CTAGE1: variants seen among roughly 807,000 people sequenced by gnomAD.
CTAGE1 encodes the protein cTAGE family member 2.
For synonymous variants in CTAGE1, 332 were observed against 302.8 expected (o/e 1.10, Z -1.00); for missense variants, 963 against 855.9 (o/e 1.13, Z -1.56).
Position 22,416,330 on chromosome 18 carries a change from A to G in CTAGE1, c.1482T>C (p.Gly494=), listed in dbSNP as rs1418332834. Residue 494 remains glycine (G), a synonymous_variant, in exon 1 of 1, where the codon GGT becomes GGC. Transcript: ENST00000391403. ...AAGCTCTCGTTTCAGATGAAGGCCA[A>G]CCCAATGGTGAGGGACCATATGGGG... ...QHSPYGPSPL[G]WPSSETRASL... is the part of the protein sequence containing the mutation. 5.6e-6 allele frequency: 9 copies of G among 1,613,994 alleles called. No individual in the cohort carries two copies. The Admixed American group carries it at 8.3e-5, about 15-fold the overall frequency.
chr18:22,415,550 C>G lies in CTAGE1; in HGVS notation c.*24G>C. Reference sequence around the variant, plus strand: ...CAGGCTCATTTGAAGTCGGACTCAACCCTGATGGAAACTCATTCTACCTTC... The same window carrying G: ...CAGGCTCATTTGAAGTCGGACTCAAGCCTGATGGAAACTCATTCTACCTTC... On this transcript the variant is annotated 3_prime_UTR_variant, in exon 1 of 1. Coordinates refer to ENST00000391403, the MANE Select transcript of CTAGE1 (RefSeq NM_172241.3). The G allele has an allele frequency of 6.4e-7, 1 of 1,557,414 alleles. No individual in the cohort carries two copies. The highest frequency in any genetic ancestry group is 8.7e-7 in the Non-Finnish European group (1 of 1,150,088).
At position 22,417,744 on chromosome 18, in the gene CTAGE1, A is replaced by T. The variant is rs1206929023; in HGVS notation, c.68T>A (p.Phe23Tyr). 6.2e-7 allele frequency: 1 copy of T among 1,614,248 alleles called. No homozygotes were observed. The highest frequency in any genetic ancestry group is 1.7e-5 in the Admixed American group (1 of 60,026). Residue 23 changes from phenylalanine (F) to tyrosine (Y), a missense_variant, in exon 1 of 1, where the codon TTT becomes TAT. Phe to Tyr is a conservative substitution (Grantham distance 22). Transcript: ENST00000391403. ...ELVIRAAVAGFFAVLFLWRSF... is the reference protein window; with the variant it reads ...ELVIRAAVAGYFAVLFLWRSF... Reference sequence around the variant, plus strand: ...TCTCCACAAGAAGAGAACAGCAAAAAATCCAGCAACAGCTGCACGTATCAC... The same window carrying T: ...TCTCCACAAGAAGAGAACAGCAAAATATCCAGCAACAGCTGCACGTATCAC...
In CTAGE1 at chr18:22,414,010, A is replaced by G. The variant is rs1251560623; in HGVS notation, c.*1564T>C. ...GATACATAGACAGAAATCCAGAAAA[A>G]TCTCCTTAATCTTGCAATTCCCACC... On this transcript the variant is annotated 3_prime_UTR_variant, in exon 1 of 1. Transcript: ENST00000391403. The G allele has an allele frequency of 6.6e-6, 1 of 152,216 alleles. No homozygotes were observed. Among genetic ancestry groups the G allele is most frequent in the African/African-American group, 2.4e-5 (1 of 41,450 alleles). 9.4% of individuals were successfully genotyped at this position (152,216 alleles called of 1,614,324 possible).
chr18:22,415,660 C>T lies in CTAGE1; in HGVS notation c.2152G>A (p.Ala718Thr), dbSNP rs1211773071. The change falls in exon 1 of 1, where the codon GCA becomes ACA. Residue 718 changes from alanine (A) to threonine (T), a missense_variant. Physicochemically the swap from Ala to Thr is moderately conservative, Grantham distance 58. Coordinates refer to ENST00000391403, the MANE Select transcript of CTAGE1 (RefSeq NM_172241.3). Reference protein sequence around the residue: ...DVPGPPRAPFAMRNVYLPRGF... With the variant: ...DVPGPPRAPFTMRNVYLPRGF... ...CTCGGTAAATAGACATTTCTCATTG[C>T]AAATGGAGCACGTGGTGGACCTGGG... 6.2e-7 allele frequency: 1 copy of T among 1,613,876 alleles called. No homozygotes were observed. Among genetic ancestry groups the T allele is most frequent in the East Asian group, 2.2e-5 (1 of 44,878 alleles).
Position 22,416,296 on chromosome 18 carries a change from G to A in CTAGE1, c.1516C>T (p.Pro506Ser). The A allele has an allele frequency of 6.2e-7, 1 of 1,613,996 alleles. No homozygotes were observed. Among genetic ancestry groups the A allele is most frequent in the Non-Finnish European group, 8.5e-7 (1 of 1,179,868 alleles). The change falls in exon 1 of 1, where the codon CCT (proline) becomes TCT (serine). Residue 506 changes from proline to serine, a missense_variant. Coordinates refer to ENST00000391403, the MANE Select transcript of CTAGE1 (RefSeq NM_172241.3). ...AGAGGACCTTCCAACAAAGTTGGAG[G>A]ATAGAGAGAAGCTCTCGTTTCAGAT... is the stretch of plus-strand genomic sequence containing the variant. ...PSSETRASLY[P>S]PTLLEGPLRL...
At position 22,415,973 on chromosome 18, in the gene CTAGE1, A is replaced by G; in HGVS notation, c.1839T>C (p.Asn613=). Residue 613 remains asparagine (N), a synonymous_variant, in exon 1 of 1, where the codon AAT becomes AAC. Transcript: ENST00000391403. ...LSGPAELRSF[N]MPSLDKMDGS... ...CATCCATTTTATCCAAAGAAGGCAT[A>G]TTAAAACTTCTGAGTTCTGCTGGTC... 6.2e-7 allele frequency: 1 copy of G among 1,613,984 alleles called. No homozygotes were observed. Among genetic ancestry groups the G allele is most frequent in the South Asian group, 1.1e-5 (1 of 91,074 alleles).
At position 22,417,069 on chromosome 18, in the gene CTAGE1, AC is replaced by A; in HGVS notation, c.742del (p.Val248LeufsTer8). ...CGTTACATCTTCTTCAAGCATAGCA[AC>A]CCCATCTTTCATCTTTAGCAAGCGT... ...TERLLKMKDG[V>X]AMLEEDVTDD... On this transcript the variant is annotated frameshift_variant, in exon 1 of 1. Transcript: ENST00000391403. LOFTEE classifies it low-confidence loss of function (END_TRUNC). The A allele has an allele frequency of 1.2e-6, 2 of 1,613,904 alleles. No individual in the cohort carries two copies. Among genetic ancestry groups the A allele is most frequent in the Non-Finnish European group, 1.7e-6 (2 of 1,179,854 alleles).
rs547894384 is a variant in CTAGE1 at position 22,414,612 on chromosome 18, A to G, written c.*962T>C. ...GAGAGCTCAATCAGAGATCAAATTC[A>G]CCAACTGCAATTAAGCACTATCTTA... On this transcript the variant is annotated 3_prime_UTR_variant, in exon 1 of 1. Transcript: ENST00000391403. The G allele has an allele frequency of 1.3e-5, 9 of 688,208 alleles. No homozygotes were observed. Among genetic ancestry groups the G allele is most frequent in the Non-Finnish European group, 2.4e-5 (9 of 379,314 alleles). 42.6% of individuals were successfully genotyped at this position (688,208 alleles called of 1,614,324 possible). A position where few individuals can be genotyped will look rare whatever the true frequency, so the allele number is the denominator to read the frequency against.
rs2035005338 is a variant in CTAGE1 at position 22,415,849 on chromosome 18, C to T, written c.1963G>A (p.Ala655Thr). The T allele has an allele frequency of 6.2e-7, 1 of 1,613,914 alleles. No homozygotes were observed. Among genetic ancestry groups the T allele is most frequent in the African/African-American group, 1.3e-5 (1 of 75,002 alleles). ...GGAGGAACAAAGCCAGGGCCAGTTG[C>T]TTCATTTTCAGCGGGGAGAGATGAA... ...PDSSLPAENE[A>T]TGPGFVPPPL... Residue 655 changes from alanine (A) to threonine (T), a missense_variant, in exon 1 of 1, where the codon GCA (alanine) becomes ACA (threonine). Transcript: ENST00000391403.
In CTAGE1 at chr18:22,413,697, T is replaced by C. The variant is rs369824941; in HGVS notation, c.*1877A>G. Reference sequence around the variant, plus strand: ...AGTAGTCATTCAACAAAAGCAAATATTATTTTTCTTAGTTACAAACAAGCA... The same window carrying C: ...AGTAGTCATTCAACAAAAGCAAATACTATTTTTCTTAGTTACAAACAAGCA... On this transcript the variant is annotated 3_prime_UTR_variant, in exon 1 of 1. Coordinates refer to ENST00000391403, the MANE Select transcript of CTAGE1 (RefSeq NM_172241.3). 1.4e-4 allele frequency: 22 copies of C among 152,298 alleles called. No homozygotes were observed. The highest frequency in any genetic ancestry group is 5.3e-4 in the African/African-American group (22 of 41,552). The allele number at this position is 152,298 out of a possible 1,614,324, so 9.4% of individuals were successfully genotyped here.
rs1460572463 is a variant in CTAGE1 at position 22,416,449 on chromosome 18, G to A, written c.1363C>T (p.Gln455Ter). The A allele has an allele frequency of 1.9e-6, 3 of 1,613,882 alleles. No homozygotes were observed. Among genetic ancestry groups the A allele is most frequent in the Non-Finnish European group, 2.5e-6 (3 of 1,179,956 alleles). Reference protein sequence around the residue: ...DLRKENAHNRQKLTEIEFKIK... With the variant: ...DLRKENAHNR ...TTAAACTCTATTTCAGTTAATTTTTGTCTGTTGTGAGCATTTTCTTTCCTT... is the reference window on the plus strand; with the variant it reads ...TTAAACTCTATTTCAGTTAATTTTTATCTGTTGTGAGCATTTTCTTTCCTT... Residue 455 changes from glutamine to a stop codon, truncating the protein, a stop_gained, in exon 1 of 1, where the codon CAA becomes TAA. Coordinates refer to ENST00000391403, the MANE Select transcript of CTAGE1 (RefSeq NM_172241.3). LOFTEE classifies it low-confidence loss of function (END_TRUNC).
chr18:22,416,736 T>C lies in CTAGE1; in HGVS notation c.1076A>G (p.Tyr359Cys), dbSNP rs761809935. 1.5e-5 allele frequency: 24 copies of C among 1,612,544 alleles called. No individual in the cohort carries two copies. The highest frequency in any genetic ancestry group is 1.1e-5 in the South Asian group (1 of 90,548). ...GTAGAGTTTCATTTCATTTTCTTGA[T>C]ATAATTCAGTCATTACTTTAAGTTT... ...QQKLKVMTEL[Y>C]QENEMKLYRK... The change falls in exon 1 of 1, where the codon TAT (tyrosine) becomes TGT (cysteine). Residue 359 changes from tyrosine to cysteine, a missense_variant. Coordinates refer to ENST00000391403, the MANE Select transcript of CTAGE1 (RefSeq NM_172241.3).
Position 22,415,024 on chromosome 18 carries a change from G to T in CTAGE1, c.*550C>A. 1.9e-6 allele frequency: 1 copy of T among 539,626 alleles called. No individual in the cohort carries two copies. The highest frequency in any genetic ancestry group is 3.0e-5 in the East Asian group (1 of 33,778). The allele number at this position is 539,626 out of a possible 1,614,324, so 33.4% of individuals were successfully genotyped here. Reference sequence around the variant, plus strand: ...AGACAGGAGATCCAAGATCATCTTGGTTTAAAGTGAAATATTCTAACAGTT... The same window carrying T: ...AGACAGGAGATCCAAGATCATCTTGTTTTAAAGTGAAATATTCTAACAGTT... On this transcript the variant is annotated 3_prime_UTR_variant, in exon 1 of 1. Coordinates refer to ENST00000391403, the MANE Select transcript of CTAGE1 (RefSeq NM_172241.3).
chr18:22,415,751 A>G lies in CTAGE1; in HGVS notation c.2061T>C (p.Pro687=), dbSNP rs577022781. The G allele has an allele frequency of 3.7e-6, 6 of 1,614,006 alleles. No homozygotes were observed. The South Asian group carries it at 6.6e-5, about 18-fold the overall frequency. Residue 687 remains proline, a synonymous_variant, in exon 1 of 1, where the codon CCT becomes CCC. Transcript: ENST00000391403. ...CGGTTCCTGGAGGAGGTGGGGGGAA[A>G]GGAGGTCCTCTTCTTATGAACGGGC... is the stretch of plus-strand genomic sequence containing the variant. ...TRGPFIRRGP[P]FPPPPPGTVF...
At position 22,415,004 on chromosome 18, in the gene CTAGE1, G is replaced by A. The variant is rs1836083423; in HGVS notation, c.*570C>T. 2.5e-5 allele frequency: 14 copies of A among 565,594 alleles called. No homozygotes were observed. In the South Asian group the frequency reaches 3.4e-4, roughly 14 times the overall value. 35.0% of individuals were successfully genotyped at this position (565,594 alleles called of 1,614,324 possible). A position where few individuals can be genotyped will look rare whatever the true frequency, so the allele number is the denominator to read the frequency against. On this transcript the variant is annotated 3_prime_UTR_variant, in exon 1 of 1. Transcript: ENST00000391403. ...AAGAGGATATAAAATCTATAAGACA[G>A]GAGATCCAAGATCATCTTGGTTTAA...
chr18:22,414,615 A>G lies in CTAGE1; in HGVS notation c.*959T>C, dbSNP rs2034986654. ...AGCTCAATCAGAGATCAAATTCACC[A>G]ACTGCAATTAAGCACTATCTTAGAT... is the stretch of plus-strand genomic sequence containing the variant. On this transcript the variant is annotated 3_prime_UTR_variant, in exon 1 of 1. Transcript: ENST00000391403. 1.5e-6 allele frequency: 1 copy of G among 688,150 alleles called. No homozygotes were observed. 42.6% of individuals were successfully genotyped at this position (688,150 alleles called of 1,614,324 possible). A position where few individuals can be genotyped will look rare whatever the true frequency, so the allele number is the denominator to read the frequency against.
chr18:22,414,883 G>T lies in CTAGE1; in HGVS notation c.*691C>A. 1.5e-6 allele frequency: 1 copy of T among 680,986 alleles called. No homozygotes were observed. The highest frequency in any genetic ancestry group is 1.6e-5 in the South Asian group (1 of 63,052). 42.2% of individuals were successfully genotyped at this position (680,986 alleles called of 1,614,324 possible). A position where few individuals can be genotyped will look rare whatever the true frequency, so the allele number is the denominator to read the frequency against. On this transcript the variant is annotated 3_prime_UTR_variant, in exon 1 of 1. Coordinates refer to ENST00000391403, the MANE Select transcript of CTAGE1 (RefSeq NM_172241.3). ...AAGAAATTAGCTTAGGGAAGACGAA[G>T]GGAAGGAAAGGGAGGGCGAAGAAAC... is the stretch of plus-strand genomic sequence containing the variant.
In CTAGE1 at chr18:22,417,094, G is replaced by A. The variant is rs750902359; in HGVS notation, c.718C>T (p.Arg240Cys). Residue 240 changes from arginine (R) to cysteine (C), a missense_variant, in exon 1 of 1, where the codon CGC becomes TGC. Physicochemically the swap from Arg to Cys is radical, Grantham distance 180. Transcript: ENST00000391403. ...KENHIKTLTE[R>C]LLKMKDGVAM... ...ACCCCATCTTTCATCTTTAGCAAGC[G>A]TTCAGTCAGAGTCTTGATGTGATTT... 30 of 1,613,752 alleles carry A rather than the reference G, an allele frequency of 1.9e-5. No individual in the cohort carries two copies. The highest frequency in any genetic ancestry group is 2.5e-5 in the Non-Finnish European group (29 of 1,179,844).
rs1252816592 is a variant in CTAGE1, at chr18:22,414,620, C to A, written c.*954G>T. The A allele has an allele frequency of 1.4e-6, 1 of 690,660 alleles. No individual in the cohort carries two copies. The highest frequency in any genetic ancestry group is 1.8e-5 in the African/African-American group (1 of 56,524). The allele number at this position is 690,660 out of a possible 1,614,324, so 42.8% of individuals were successfully genotyped here. The stretch of plus-strand genomic sequence containing the variant: ...AATCAGAGATCAAATTCACCAACTG[C>A]AATTAAGCACTATCTTAGATTTACT... On this transcript the variant is annotated 3_prime_UTR_variant, in exon 1 of 1. Transcript: ENST00000391403.
Sources: gnomAD v4.1 joint callset for allele counts on GRCh38, gnomAD v4.1.1 for gene constraint, MANE v1.5 for transcripts, NCBI Gene and HGNC (gene_info 2026-07-23, HGNC 2026-07-21) for gene names.